SAFB: variants seen among roughly 807,000 people sequenced by gnomAD.
The protein encoded by SAFB is scaffold attachment factor B.
SAFB carries 15 observed loss-of-function variants against 101.6 expected under a neutral mutation model. The observed-to-expected ratio is 0.15, with a 90% CI of 0.10 to 0.23. The LOEUF is 0.23. SAFB is among the 10% of genes least tolerant of loss of function. The pLI, the probability that SAFB is intolerant of heterozygous loss-of-function variation, is 1.00. For missense variants in SAFB, 930 were observed against 1,104.1 expected (o/e 0.84, Z 2.23); for synonymous variants, 449 against 407.5 (o/e 1.10, Z -1.23).
intron 15 of SAFB, among the ~76,000 whole-genome samples, chr19:5,662,408 C>T (rs536378206): frequency 1.1e-4 from 17 of 151,612 alleles, no homozygotes; most frequent in South Asian, 4.2e-4. Context: ...GCAGGAAAAT[C>T]GCGTGTACCC....
Position 5,651,848 on chromosome 19 carries a change from T to C in SAFB, c.1293+776T>C, listed in dbSNP as rs183930080. On this transcript the variant is annotated intron_variant, in intron 9 of 20. Transcript: ENST00000588852. ...GTTACACAGTGAGGGTTCAACACAT[T>C]GCAATATAGAAAACCAAGTGTTTTC... is the stretch of plus-strand genomic sequence containing the variant. 2.5e-3 allele frequency among the ~76,000 whole-genome samples: 384 copies of C among 152,276 alleles called. 3 individuals are homozygous for C. The highest frequency in any genetic ancestry group is 9.0e-3 in the African/African-American group (376 of 41,552).
chr19:5,641,204 T>C (rs1407805372), intron 2 of SAFB, among the ~76,000 whole-genome samples: 1 of 152,196 alleles, frequency 6.6e-6, no homozygotes, highest in Non-Finnish European at 1.5e-5. Flanking sequence ...AAAATGTGCA[T>C]ACTCGGGCAT....
chr19:5,645,595 G>A (rs2145439017), intron 5 of SAFB, among the ~76,000 whole-genome samples, 196 bp downstream of exon 5: 1 of 152,318 alleles, frequency 6.6e-6, no homozygotes, highest in African/African-American at 2.4e-5. Flanking sequence ...CTTAACTCTA[G>A]GCTTCGACGA....
Position 5,664,150 on chromosome 19 carries a change from C to G in SAFB, c.2282C>G (p.Ser761Trp). Residue 761 changes from serine (S) to tryptophan (W), a missense_variant, in exon 16 of 21, where the codon TCG becomes TGG. Physicochemically the swap from Ser to Trp is radical, Grantham distance 177. Coordinates refer to ENST00000588852, the MANE Select transcript of SAFB (RefSeq NM_001201338.2). ...GACCGCGGCCGCTACCCCGACCACT[C>G]GGTGGACAGGTCAGTTGGGCCCCTG... ...HRDRGRYPDHSVDRREGSRSM... is the reference protein window; with the variant it reads ...HRDRGRYPDHWVDRREGSRSM... 1 of 1,613,766 alleles carries G rather than the reference C, an allele frequency of 6.2e-7. No individual in the cohort carries two copies. Among genetic ancestry groups the G allele is most frequent in the Non-Finnish European group, 8.5e-7 (1 of 1,179,954 alleles).
intron 8 of SAFB, 27 bp downstream of exon 8, chr19:5,650,002 C>G (rs374532404): frequency 8.2e-5 from 130 of 1,593,756 alleles, no homozygotes; most frequent in Non-Finnish European, 1.1e-4. Context: ...ACACCAGTCC[C>G]TTGGAGCATG....
intron 7 of SAFB, 175 bp from the exon 8 acceptor site, chr19:5,649,751 C>A: frequency 1.3e-6 from 1 of 785,828 alleles, no homozygotes; most frequent in Non-Finnish European, 2.1e-6. Flanking sequence ...TTAATTAACT[C>A]CTGTGGGTCT....
intron 2 of SAFB, among the ~76,000 whole-genome samples, chr19:5,632,895 G>T (rs749797597): frequency 6.6e-6 from 1 of 152,084 alleles, no homozygotes; most frequent in African/African-American, 2.4e-5. Context: ...GAGCCACCAC[G>T]CCCAGCCTAT....
intron 4 of SAFB, among the ~76,000 whole-genome samples, chr19:5,644,929 T>C (rs2053795331): frequency 6.6e-6 from 1 of 152,188 alleles, no homozygotes; most frequent in Admixed American, 6.5e-5. Flanking sequence ...ATCCTCAGCA[T>C]CCAGGCTGGG....
chr19:5,644,514 A>G (rs926330610), intron 4 of SAFB, among the ~76,000 whole-genome samples: 68 of 152,346 alleles, frequency 4.5e-4, no homozygotes, highest in African/African-American at 1.6e-3. Context: ...TGACCACTGC[A>G]TGGCAGGAAG....
chr19:5,638,494 T>C (rs2053638849), intron 2 of SAFB, among the ~76,000 whole-genome samples: 1 of 151,888 alleles, frequency 6.6e-6, no homozygotes, highest in Admixed American at 6.6e-5. Flanking sequence ...TTCTAATTTT[T>C]GTATTTTTAG....
rs1166314838 is a variant in SAFB, at chr19:5,649,092, C to A, written c.741C>A (p.Ser247Arg). 8.9e-6 allele frequency: 4 copies of A among 451,592 alleles called. No homozygotes were observed. The highest frequency in any genetic ancestry group is 1.5e-5 in the Non-Finnish European group (4 of 267,870). The allele number at this position is 451,592 out of a possible 1,614,324, so 28.0% of individuals were successfully genotyped here. ...AGCCATTTGCACAGGACACAAGTAG[C>A]GTGGGGCCAGACAGAAAGCTTGCGG... ...LEQPFAQDTSSVGPDRKLAEE... is the reference protein window; with the variant it reads ...LEQPFAQDTSRVGPDRKLAEE... The change falls in exon 7 of 21, where the codon AGC becomes AGA. Residue 247 changes from serine (S) to arginine (R), a missense_variant. This residue lies in a region of SAFB where 130 missense variants were observed against 114.2 expected (regional missense o/e 1.14). Coordinates refer to ENST00000588852, the MANE Select transcript of SAFB (RefSeq NM_001201338.2).
At chr19:5,646,930 G>T (rs549885301) in intron 5 of SAFB, among the ~76,000 whole-genome samples, 1 of 152,296 alleles carries the variant, frequency 6.6e-6, no homozygotes, top group South Asian at 2.1e-4. Context: ...GTGTCCTTGG[G>T]CAAGTTACTC....
chr19:5,668,336 T>C lies in SAFB; in HGVS notation c.*45T>C, dbSNP rs2145505920. ...CTGTCTCGTGGCAACAAGGCTATGT[T>C]CTGTTAGGAGTTACCTTAAACTGTG... On this transcript the variant is annotated 3_prime_UTR_variant, in exon 21 of 21. Transcript: ENST00000588852. 1 of 1,596,536 alleles carries C rather than the reference T, an allele frequency of 6.3e-7. No homozygotes were observed. Among genetic ancestry groups the C allele is most frequent in the East Asian group, 2.3e-5 (1 of 44,378 alleles).
Position 5,667,473 on chromosome 19 carries a change from G to C in SAFB, c.2557+23G>C. 5 of 1,468,166 alleles carry C rather than the reference G, an allele frequency of 3.4e-6. No homozygotes were observed. The highest frequency in any genetic ancestry group is 4.6e-6 in the Non-Finnish European group (5 of 1,092,618). 90.9% of individuals were successfully genotyped at this position (1,468,166 alleles called of 1,614,324 possible). On this transcript the variant is annotated intron_variant, in intron 19 of 20. Transcript: ENST00000588852. The surrounding 1 kb of genome is among the most constrained non-coding windows in gnomAD (Gnocchi z 4.0). ...AAGGTGAGGAGCAGCTCTGGGCTGG[G>C]ACCAGGATGTGCTGGGGAGTGATGG... is the stretch of plus-strand genomic sequence containing the variant.
rs2053924782 is a variant in SAFB, at chr19:5,650,913, G to C, written c.1199-65G>C. On this transcript the variant is annotated intron_variant, in intron 8 of 20. Coordinates refer to ENST00000588852, the MANE Select transcript of SAFB (RefSeq NM_001201338.2). ...TGGGAACCATGTCTCTTTTGGAAAG[G>C]TTGTCTCTAAGACTCAAGATCTTGT... is the stretch of plus-strand genomic sequence containing the variant. 4.8e-6 allele frequency: 5 copies of C among 1,038,084 alleles called. No homozygotes were observed. The Admixed American group carries it at 8.7e-5, about 18-fold the overall frequency. The allele number at this position is 1,038,084 out of a possible 1,614,324, so 64.3% of individuals were successfully genotyped here.
chr19:5,626,265 A>T (rs1325992677), intron 1 of SAFB, 140 bp from the exon 2 acceptor site: 2 of 552,476 alleles, frequency 3.6e-6, no homozygotes, highest in East Asian at 3.0e-5. Context: ...AGATGAGTGG[A>T]TGGGCCACAG....
chr19:5,650,886 A>T (rs568865397), intron 8 of SAFB, 92 bp from the exon 9 acceptor site: 2 of 845,804 alleles, frequency 2.4e-6, no homozygotes, highest in Non-Finnish European at 3.8e-6. Context: ...CCTCAGGAAA[A>T]ATGGGAACCA....
rs1423587081 is a variant in SAFB at position 5,654,576 on chromosome 19, T to C, written c.1755+120T>C. 85 of 731,734 alleles carry C rather than the reference T, an allele frequency of 1.2e-4. No homozygotes were observed. The East Asian group carries it at 1.7e-3, about 14-fold the overall frequency. 45.3% of individuals were successfully genotyped at this position (731,734 alleles called of 1,614,324 possible). A position where few individuals can be genotyped will look rare whatever the true frequency, so the allele number is the denominator to read the frequency against. ...AAGCTTTTGTCGGCCGTTTCGAAAA[T>C]GTAGAAATCTCAAACTATTTTTTTT... is the stretch of plus-strand genomic sequence containing the variant. On this transcript the variant is annotated intron_variant, in intron 13 of 20. Coordinates refer to ENST00000588852, the MANE Select transcript of SAFB (RefSeq NM_001201338.2).
chr19:5,658,519 G>A (rs924622037), intron 14 of SAFB, among the ~76,000 whole-genome samples: 7 of 151,890 alleles, frequency 4.6e-5, no homozygotes, highest in African/African-American at 1.2e-4. Context: ...ATAGTGAAAC[G>A]CAGTCTCTAC....
Sources: allele counts gnomAD v4.1 joint callset (sites outside exome capture counted in the v4.1 genomes callset), GRCh38; gene constraint gnomAD v4.1.1; regional missense constraint gnomAD v4.1.1; non-coding constraint Gnocchi (gnomAD v3.1); transcripts MANE v1.5; gene names NCBI Gene and HGNC (gene_info 2026-07-23, HGNC 2026-07-21).